The following FGF5 variants were observed in gnomAD, a reference collection of about 807,000 sequenced individuals.
FGF5 encodes fibroblast growth factor 5.
Under a neutral mutation model 21.8 loss-of-function variants are expected in FGF5, and 23 were observed. The ratio of observed to expected loss-of-function variants is 1.05; its 90% CI spans 0.76 to 1.49. The LOEUF (loss-of-function observed/expected upper bound fraction) is 1.49, where lower values mean the gene tolerates loss of function less well. FGF5 is among the 40% of genes most tolerant of loss of function. The probability of loss-of-function intolerance (pLI) is 0.00; values close to 1 mark genes in which losing one functional copy is unlikely to be tolerated. For synonymous variants in FGF5, 158 were observed against 124.0 expected (o/e 1.27, Z -1.82); for missense variants, 352 against 332.9 (o/e 1.06, Z -0.45).
At chr4:80,276,166 T>C (rs1467599854) in intron 2 of FGF5, among the ~76,000 whole-genome samples, 1 of 152,002 alleles carries the variant, frequency 6.6e-6, no homozygotes, top group Non-Finnish European at 1.5e-5. Flanking sequence ...AGATAATACA[T>C]GCAGTGTGCT....
rs1720753685 is a variant in FGF5 at position 80,286,985 on chromosome 4, C to A, written c.*313C>A. The A allele has an allele frequency of 4.4e-6, 1 of 226,580 alleles. No homozygotes were observed. The highest frequency in any genetic ancestry group is 5.2e-5 in the Admixed American group (1 of 19,264). The allele number at this position is 226,580 out of a possible 1,614,324, so 14.0% of individuals were successfully genotyped here. On this transcript the variant is annotated 3_prime_UTR_variant, in exon 3 of 3. Transcript: ENST00000312465. ...TAACAGGGACTACGTATTTTTCTGACTTTTACAGATTAACCTGAAAGAACA... is the reference window on the plus strand; with the variant it reads ...TAACAGGGACTACGTATTTTTCTGAATTTTACAGATTAACCTGAAAGAACA...
rs1720776379 is a variant in FGF5, at chr4:80,287,695, T to C, written c.*1023T>C. Reference sequence around the variant, plus strand: ...ACTCTCTGCTATCCCACTGTATAGATCCACAGGGAGCAAACACTTAGAAAT... The same window carrying C: ...ACTCTCTGCTATCCCACTGTATAGACCCACAGGGAGCAAACACTTAGAAAT... On this transcript the variant is annotated 3_prime_UTR_variant, in exon 3 of 3. Transcript: ENST00000312465. 6.6e-6 allele frequency: 1 copy of C among 152,138 alleles called. No homozygotes were observed. 9.4% of individuals were successfully genotyped at this position (152,138 alleles called of 1,614,324 possible).
At chr4:80,277,133 A>G (rs1720435641) in intron 2 of FGF5, among the ~76,000 whole-genome samples, 1 of 152,204 alleles carries the variant, frequency 6.6e-6, no homozygotes, top group Non-Finnish European at 1.5e-5. Flanking sequence ...AAATTTCTAG[A>G]AATTTGACCC....
Position 80,287,841 on chromosome 4 carries a change from C to T in FGF5, c.*1169C>T, listed in dbSNP as rs1210666235. On this transcript the variant is annotated 3_prime_UTR_variant, in exon 3 of 3. Coordinates refer to ENST00000312465, the MANE Select transcript of FGF5 (RefSeq NM_004464.4). ...CTTCCCTTCCTAAAGGTAACCAATC[C>T]AGTGAATAGATGTGCCCTTTTATAA... 1 of 152,002 alleles carries T rather than the reference C, an allele frequency of 6.6e-6. No individual in the cohort carries two copies. The highest frequency in any genetic ancestry group is 2.4e-5 in the African/African-American group (1 of 41,396). The allele number at this position is 152,002 out of a possible 1,614,324, so 9.4% of individuals were successfully genotyped here. A position where few individuals can be genotyped will look rare whatever the true frequency, so the allele number is the denominator to read the frequency against.
chr4:80,271,900 G>A (rs984329559), intron 1 of FGF5, among the ~76,000 whole-genome samples: 5 of 152,126 alleles, frequency 3.3e-5, no homozygotes, highest in East Asian at 3.8e-4. Flanking sequence ...AAAAAATTAC[G>A]TAGAATTCCT....
chr4:80,282,781 AG>A (rs1208956927), intron 2 of FGF5, among the ~76,000 whole-genome samples: 3 of 152,272 alleles, frequency 2.0e-5, no homozygotes, highest in Non-Finnish European at 4.4e-5. Context: ...TGTTAATTTC[AG>A]GGGTTTTTTT....
chr4:80,273,159 T>C (rs950890503), intron 1 of FGF5, among the ~76,000 whole-genome samples: 13 of 151,954 alleles, frequency 8.6e-5, no homozygotes, highest in Admixed American at 4.6e-4. Context: ...AAAGGATTTA[T>C]ACAGCACTGG....
chr4:80,268,976 G>T (rs921338604), intron 1 of FGF5, among the ~76,000 whole-genome samples: 1 of 152,178 alleles, frequency 6.6e-6, no homozygotes, highest in Non-Finnish European at 1.5e-5. Context: ...TTGTCTCAAC[G>T]GTCTTTTGAC....
chr4:80,282,237 C>G (rs1255348343), intron 2 of FGF5, among the ~76,000 whole-genome samples: 12 of 152,158 alleles, frequency 7.9e-5, no homozygotes, highest in African/African-American at 2.9e-4. Context: ...GCTGTGATTA[C>G]AGATGTGAGC....
chr4:80,285,224 A>G (rs1720675933), intron 2 of FGF5, among the ~76,000 whole-genome samples: 1 of 152,146 alleles, frequency 6.6e-6, no homozygotes. Flanking sequence ...AAATTTTACT[A>G]CATGGCAAAC....
intron 2 of FGF5, among the ~76,000 whole-genome samples, chr4:80,280,512 T>C (rs1720522050): frequency 6.6e-6 from 1 of 152,200 alleles, no homozygotes; most frequent in Non-Finnish European, 1.5e-5. Flanking sequence ...TTGGTTTGTA[T>C]AGTGTTATGG....
In FGF5 at chr4:80,266,959, C is replaced by T. The variant is rs769541814; in HGVS notation, c.135C>T (p.Ser45=). ...AATDRNPRGS[S]SRQSSSSAMS... Reference sequence around the variant, plus strand: ...CTGATAGGAACCCTAGAGGCTCCAGCAGCAGACAGAGCAGCAGTAGCGCTA... The same window carrying T: ...CTGATAGGAACCCTAGAGGCTCCAGTAGCAGACAGAGCAGCAGTAGCGCTA... The change falls in exon 1 of 3, where the codon AGC becomes AGT. Residue 45 remains serine (S), a synonymous_variant. Coordinates refer to ENST00000312465, the MANE Select transcript of FGF5 (RefSeq NM_004464.4). 1 of 1,614,230 alleles carries T rather than the reference C, an allele frequency of 6.2e-7. No individual in the cohort carries two copies. Among genetic ancestry groups the T allele is most frequent in the Non-Finnish European group, 8.5e-7 (1 of 1,180,042 alleles).
At chr4:80,268,586 C>T (rs1720171005) in intron 1 of FGF5, 1 of 936,070 alleles carries the variant, frequency 1.1e-6, no homozygotes. Context: ...GGTAGGCTGG[C>T]TAGCCTCCTC....
At position 80,267,167 on chromosome 4, in the gene FGF5, G is replaced by A. The variant is rs1162920574; in HGVS notation, c.343G>A (p.Ala115Thr). The change falls in exon 1 of 3, where the codon GCC (alanine) becomes ACC (threonine). Residue 115 changes from alanine (A) to threonine (T), a missense_variant. Physicochemically the swap from Ala to Thr is moderately conservative, Grantham distance 58 (BLOSUM62 0). Transcript: ENST00000312465. ...TGGCAAAGTCAATGGATCCCACGAAGCCAATATGTTAAGTAAGTTACTCGC... is the reference window on the plus strand; with the variant it reads ...TGGCAAAGTCAATGGATCCCACGAAACCAATATGTTAAGTAAGTTACTCGC... Reference protein sequence around the residue: ...PDGKVNGSHEANMLSVLEIFA... With the variant: ...PDGKVNGSHETNMLSVLEIFA... 6.2e-7 allele frequency: 1 copy of A among 1,606,804 alleles called. No homozygotes were observed. Among genetic ancestry groups the A allele is most frequent in the Non-Finnish European group, 8.5e-7 (1 of 1,176,030 alleles).
chr4:80,269,808 A>G (rs1295355424), intron 1 of FGF5, among the ~76,000 whole-genome samples: 1 of 151,680 alleles, frequency 6.6e-6, no homozygotes, highest in East Asian at 1.9e-4. Context: ...TTTTCCCCAG[A>G]AGAAAGCATA....
chr4:80,267,862 G>C (rs1720143109), intron 1 of FGF5, among the ~76,000 whole-genome samples: 1 of 152,128 alleles, frequency 6.6e-6, no homozygotes, highest in African/African-American at 2.4e-5. Context: ...TTTAGAGAGG[G>C]AGACATGATA....
chr4:80,268,558 C>G (rs1413853200), intron 1 of FGF5: 1 of 984,600 alleles, frequency 1.0e-6, no homozygotes, highest in Non-Finnish European at 1.2e-6. Flanking sequence ...GGGTCGGAGG[C>G]GCGCAAGTGG....
chr4:80,271,539 A>G (rs1036629264), intron 1 of FGF5, among the ~76,000 whole-genome samples: 1 of 152,154 alleles, frequency 6.6e-6, no homozygotes, highest in Non-Finnish European at 1.5e-5. Context: ...GTGCCTTCTC[A>G]AGCAGGAGAA....
In FGF5 at chr4:80,266,998, T is replaced by C. The variant is rs1427938062; in HGVS notation, c.174T>C (p.Ser58=). 1.9e-6 allele frequency: 3 copies of C among 1,614,110 alleles called. No individual in the cohort carries two copies. Among genetic ancestry groups the C allele is most frequent in the Non-Finnish European group, 2.5e-6 (3 of 1,180,038 alleles). The part of the protein sequence containing the change: ...QSSSSAMSSS[S]ASSSPAASLG... ...GCAGTAGCGCTATGTCTTCCTCTTC[T>C]GCCTCCTCCTCCCCCGCAGCTTCTC... Residue 58 remains serine, a synonymous_variant, in exon 1 of 3, where the codon TCT becomes TCC. Transcript: ENST00000312465.
Sources: allele counts gnomAD v4.1 joint callset (sites outside exome capture counted in the v4.1 genomes callset), GRCh38; gene constraint gnomAD v4.1.1; transcripts MANE v1.5; gene names NCBI Gene and HGNC (gene_info 2026-07-23, HGNC 2026-07-21).